Variants in OSBPL10 observed in about 807,000 individuals in gnomAD.
OSBPL10 encodes oxysterol-binding protein-related protein 10.
Under a neutral mutation model 81.7 loss-of-function variants are expected in OSBPL10, and 49 were observed. That is an observed-to-expected ratio of 0.60 (90% CI 0.48 to 0.76). The LOEUF (loss-of-function observed/expected upper bound fraction) is 0.76. Among genes scored for constraint, OSBPL10 ranks in the 30% least tolerant of loss-of-function variants. The pLI is 0.00. For missense variants in OSBPL10, 923 were observed against 987.8 expected (o/e 0.93, Z 0.88); for synonymous variants, 419 against 383.6 (o/e 1.09, Z -1.08).
chr3:31,676,219 T>C (rs1226674016), intron 8 of OSBPL10, among the ~76,000 whole-genome samples: 1 of 151,874 alleles, frequency 6.6e-6, no homozygotes, highest in Non-Finnish European at 1.5e-5. Flanking sequence ...CATAAATGTG[T>C]GTTCATTCAT....
intron 5 of OSBPL10, among the ~76,000 whole-genome samples, chr3:31,740,929 T>C (rs886695699): frequency 1.4e-5 from 2 of 146,094 alleles, no homozygotes; most frequent in Admixed American, 1.4e-4. Flanking sequence ...TATAGCAAAA[T>C]AGAAAACATG....
At chr3:31,916,728 G>A (rs1014019123) in intron 1 of OSBPL10, among the ~76,000 whole-genome samples, 2 of 152,078 alleles carry the variant, frequency 1.3e-5, no homozygotes, top group South Asian at 4.1e-4. Flanking sequence ...CTAAATCCCT[G>A]ATTAATTACT....
At chr3:31,907,045 C>A (rs1559513125) in intron 1 of OSBPL10, 1 of 152,144 alleles carries the variant, frequency 6.6e-6, no homozygotes, top group African/African-American at 2.4e-5. Context: ...ATTGAAAGGT[C>A]TCCCTTAGGT....
intron 1 of OSBPL10, among the ~76,000 whole-genome samples, chr3:31,970,296 A>G (rs1027988792): frequency 1.3e-5 from 2 of 152,190 alleles, no homozygotes; most frequent in Admixed American, 6.5e-5. Context: ...TTTGATCCAC[A>G]AAGTCCTCTG....
chr3:32,047,104 G>T (rs539541705), intron 1 of OSBPL10, among the ~76,000 whole-genome samples: 1 of 152,184 alleles, frequency 6.6e-6, no homozygotes, highest in African/African-American at 2.4e-5. Context: ...CTGCCTCCCA[G>T]ATAGCTGAGA....
At chr3:31,868,444 G>A (rs555055419) in intron 3 of OSBPL10, among the ~76,000 whole-genome samples, 4 of 152,090 alleles carry the variant, frequency 2.6e-5, no homozygotes, top group East Asian at 1.9e-4. Context: ...CACCTCCCCC[G>A]CCATTGTCTA....
At chr3:31,735,386 G>A (rs1168468677) in intron 5 of OSBPL10, among the ~76,000 whole-genome samples, 12 of 152,126 alleles carry the variant, frequency 7.9e-5, no homozygotes, top group Non-Finnish European at 1.5e-4. Flanking sequence ...GCTACAGTAA[G>A]CGGTGATTGC....
At chr3:32,074,174 C>T (rs929554153) in intron 1 of OSBPL10, among the ~76,000 whole-genome samples, 11 of 152,148 alleles carry the variant, frequency 7.2e-5, no homozygotes, top group East Asian at 3.9e-4. Flanking sequence ...TCACTTTACC[C>T]GCCTGAGGAA....
intron 2 of OSBPL10, among the ~76,000 whole-genome samples, chr3:32,031,841 A>T (rs1188116852): frequency 4.6e-5 from 7 of 152,232 alleles, no homozygotes; most frequent in Non-Finnish European, 1.0e-4. Context: ...CTCAAGGATA[A>T]AGCTAACATA....
chr3:31,682,431 A>G (rs79599772), intron 8 of OSBPL10, among the ~76,000 whole-genome samples: 4,862 of 152,244 alleles, frequency 0.032, 259 homozygotes, highest in African/African-American at 0.11. Flanking sequence ...CTCCAGCCAC[A>G]TGGGCTTCCT....
intron 7 of OSBPL10, among the ~76,000 whole-genome samples, chr3:31,689,853 T>A (rs180827435): frequency 6.6e-6 from 1 of 152,290 alleles, no homozygotes; most frequent in Admixed American, 6.5e-5. Context: ...GTCTCAGGTA[T>A]GTCTTTTATT....
At chr3:31,740,504 A>T (rs1238400000) in intron 5 of OSBPL10, among the ~76,000 whole-genome samples, 1 of 152,192 alleles carries the variant, frequency 6.6e-6, no homozygotes, top group East Asian at 1.9e-4. Context: ...AAAGCAGAAT[A>T]GAGGGGCAGA....
At chr3:32,056,664 C>T (rs1699714981) in intron 1 of OSBPL10, among the ~76,000 whole-genome samples, 1 of 152,196 alleles carries the variant, frequency 6.6e-6, no homozygotes, top group Non-Finnish European at 1.5e-5. Context: ...ATCATTGCCC[C>T]TATTCAGCCC....
At chr3:31,704,733 G>A (rs933810946) in intron 6 of OSBPL10, 17 of 151,988 alleles carry the variant, frequency 1.1e-4, no homozygotes, top group African/African-American at 4.1e-4. Context: ...ACAAGCCATT[G>A]CAGGGGAAAT....
chr3:31,979,732 A>C (rs1698777543), intron 1 of OSBPL10, among the ~76,000 whole-genome samples: 1 of 151,840 alleles, frequency 6.6e-6, no homozygotes, highest in African/African-American at 2.4e-5. Flanking sequence ...CAAAAACAAA[A>C]AGTAAACAGT....
chr3:31,848,342 C>A lies in OSBPL10; in HGVS notation c.538-18111G>T, dbSNP rs1003091985. On this transcript the variant is annotated intron_variant, in intron 3 of 11. Coordinates refer to ENST00000396556, the MANE Select transcript of OSBPL10 (RefSeq NM_017784.5). ...ACATCTCTCTTTCCCACTACAAGCC[C>A]CCCCCAGTTAGTTCAAATACAGACA... 3.3e-5 allele frequency among the ~76,000 whole-genome samples: 5 copies of A among 151,374 alleles called. No homozygotes were observed. In the East Asian group the frequency reaches 9.8e-4, roughly 30 times the overall value.
At chr3:31,807,441 G>A (rs965382021) in intron 4 of OSBPL10, among the ~76,000 whole-genome samples, 3 of 151,424 alleles carry the variant, frequency 2.0e-5, no homozygotes, top group African/African-American at 7.3e-5. Context: ...GATATATGGT[G>A]GGTGTCAAGG....
chr3:32,070,473 C>G (rs1699820920), intron 1 of OSBPL10, among the ~76,000 whole-genome samples: 2 of 152,150 alleles, frequency 1.3e-5, no homozygotes, highest in Admixed American at 1.3e-4. Flanking sequence ...GTCTTCCTCT[C>G]ATATCCCCCA....
intron 1 of OSBPL10, among the ~76,000 whole-genome samples, chr3:32,074,582 G>A (rs544686615): frequency 5.3e-5 from 8 of 152,124 alleles, no homozygotes; most frequent in African/African-American, 1.9e-4. Flanking sequence ...TGCATCCTTC[G>A]CTACCCTCCC....
Sources: gnomAD v4.1 joint callset for allele counts (sites outside exome capture counted in the v4.1 genomes callset) on GRCh38, gnomAD v4.1.1 for gene constraint, MANE v1.5 for transcripts, NCBI Gene and HGNC (gene_info 2026-07-23, HGNC 2026-07-21) for gene names.